GPD2: variants seen among roughly 807,000 people sequenced by gnomAD.
GPD2 encodes the protein glycerol-3-phosphate dehydrogenase 2.
GPD2 carries 54 observed loss-of-function variants against 82.4 expected under a neutral mutation model. The observed-to-expected ratio is 0.66, with a 90% confidence interval of 0.53 to 0.82. The LOEUF (loss-of-function observed/expected upper bound fraction) is 0.82. Among genes scored for constraint, GPD2 ranks in the 40% least tolerant of loss-of-function variants. GPD2 has a pLI of 0.00. For missense variants in GPD2, 748 were observed against 896.2 expected, an observed-to-expected ratio of 0.83 and a Z score of 2.11; for synonymous variants, 288 against 306.1, an observed-to-expected ratio of 0.94 and a Z score of 0.62.
chr2:156,423,221 TA>T, the GPD2 span, among the ~76,000 whole-genome samples: 1 of 152,350 alleles, frequency 6.6e-6, no homozygotes, highest in Non-Finnish European at 1.5e-5. Flanking sequence ...TGTTTTCTAT[TA>T]TTTTTATAAG....
chr2:156,452,934 A>C (rs900024426), intron 1 of GPD2, among the ~76,000 whole-genome samples: 3 of 152,196 alleles, frequency 2.0e-5, no homozygotes, highest in Non-Finnish European at 4.4e-5. Flanking sequence ...TGAAATTTTT[A>C]CCTAGTTGCA....
At chr2:156,543,913 A>G (rs867226263) in intron 6 of GPD2, among the ~76,000 whole-genome samples, 2 of 152,326 alleles carry the variant, frequency 1.3e-5, no homozygotes, top group Middle Eastern at 3.4e-3. Flanking sequence ...TTTCTATAGA[A>G]AAAAGAATTG....
chr2:156,430,993 A>G (rs1286539251), upstream of GPD2, among the ~76,000 whole-genome samples: 6 of 152,242 alleles, frequency 3.9e-5, no homozygotes, highest in Non-Finnish European at 7.3e-5. Flanking sequence ...AATTCGTCTG[A>G]CAACACAACA....
intron 3 of GPD2, among the ~76,000 whole-genome samples, chr2:156,503,815 G>A (rs2105257075): frequency 6.6e-6 from 1 of 152,226 alleles, no homozygotes; most frequent in Middle Eastern, 3.4e-3. Context: ...AGGAAACCAG[G>A]AGGCCATTAG....
At chr2:156,466,275 A>G (rs944043873) in intron 1 of GPD2, among the ~76,000 whole-genome samples, 3 of 152,266 alleles carry the variant, frequency 2.0e-5, no homozygotes, top group Admixed American at 1.3e-4. Flanking sequence ...TTAAAATGGA[A>G]TACAAATTCA....
chr2:156,473,385 T>C (rs1222412483), intron 1 of GPD2, among the ~76,000 whole-genome samples: 1 of 152,146 alleles, frequency 6.6e-6, no homozygotes, highest in East Asian at 1.9e-4. Flanking sequence ...GCAGGGAACA[T>C]AGGGACCCAC....
chr2:156,531,850 A>G (rs1003355754), intron 6 of GPD2, among the ~76,000 whole-genome samples: 1 of 152,184 alleles, frequency 6.6e-6, no homozygotes, highest in African/African-American at 2.4e-5. Flanking sequence ...GGTTCCAGCA[A>G]TGCCTGGAGC....
intron 6 of GPD2, among the ~76,000 whole-genome samples, chr2:156,541,617 C>T (rs1030921374): frequency 5.3e-5 from 8 of 152,100 alleles, no homozygotes; most frequent in African/African-American, 1.9e-4. Context: ...ACCCTCAAAG[C>T]CAGGCATTTC....
intron 1 of GPD2, among the ~76,000 whole-genome samples, chr2:156,461,161 C>CTTTTTT (rs70987039): frequency 1.9e-5 from 2 of 106,472 alleles, no homozygotes; most frequent in African/African-American, 6.8e-5. Context: ...CTCTCTATCT[C>CTTTTTT]TTTTTTTTTT....
chr2:156,428,750 C>G, the GPD2 span, among the ~76,000 whole-genome samples: 14 of 152,268 alleles, frequency 9.2e-5, no homozygotes, highest in Admixed American at 7.9e-4. Flanking sequence ...CCCTAAAGAG[C>G]TCTTTCAAAA....
intron 1 of GPD2, among the ~76,000 whole-genome samples, chr2:156,441,555 T>C (rs1390037292): frequency 1.3e-5 from 2 of 152,082 alleles, no homozygotes; most frequent in Admixed American, 6.6e-5. Context: ...CAAGACCTTG[T>C]CTCAAAAAAA....
intron 1 of GPD2, among the ~76,000 whole-genome samples, chr2:156,441,263 G>A (rs531013771): frequency 6.6e-6 from 1 of 152,214 alleles, no homozygotes; most frequent in African/African-American, 2.4e-5. Context: ...ACTGTTATAT[G>A]TAAGTAGGCC....
chr2:156,415,983 TG>T, the GPD2 span, among the ~76,000 whole-genome samples: 1 of 95,406 alleles, frequency 1.0e-5, no homozygotes, highest in Non-Finnish European at 2.6e-5. Context: ...ATCCCGCCAC[TG>T]CACTCCAGCC....
chr2:156,495,810 C>G (rs371651100), intron 2 of GPD2: 1 of 510,988 alleles, frequency 2.0e-6, no homozygotes, highest in South Asian at 2.1e-5. Flanking sequence ...GACATTGAAT[C>G]TGAAACCAGG....
intron 1 of GPD2, among the ~76,000 whole-genome samples, chr2:156,452,679 G>GAT (rs1682655956): frequency 1.3e-5 from 2 of 152,196 alleles, no homozygotes; most frequent in Non-Finnish European, 2.9e-5. Context: ...AGAACTAGAG[G>GAT]ATAATACAGT....
At chr2:156,445,576 C>T (rs1434644910) in intron 1 of GPD2, among the ~76,000 whole-genome samples, 1 of 152,192 alleles carries the variant, frequency 6.6e-6, no homozygotes, top group African/African-American at 2.4e-5. Context: ...TTAAAATTTT[C>T]TTAGTCTTAA....
chr2:156,474,013 A>C (rs1683421211), intron 1 of GPD2, among the ~76,000 whole-genome samples: 1 of 152,140 alleles, frequency 6.6e-6, no homozygotes, highest in South Asian at 2.1e-4. Flanking sequence ...ATGCTTGTGA[A>C]ATATTTTCCT....
At chr2:156,514,064 G>A (rs1685104961) in intron 6 of GPD2, among the ~76,000 whole-genome samples, 1 of 149,984 alleles carries the variant, frequency 6.7e-6, no homozygotes, top group Non-Finnish European at 1.5e-5. Context: ...TTATTTTATT[G>A]TTGTTAGATG....
intron 3 of GPD2, among the ~76,000 whole-genome samples, chr2:156,503,811 C>T (rs1684681986): frequency 6.6e-6 from 1 of 152,070 alleles, no homozygotes; most frequent in Admixed American, 6.5e-5. Flanking sequence ...AACTAGGAAA[C>T]CAGGAGGCCA....
Sources: gnomAD v4.1 joint callset for allele counts (sites outside exome capture counted in the v4.1 genomes callset) on GRCh38, gnomAD v4.1.1 for gene constraint, MANE v1.5 for transcripts, NCBI Gene and HGNC (gene_info 2026-07-23, HGNC 2026-07-21) for gene names.